Variants in PRDM16 observed in about 807,000 individuals in gnomAD.
PRDM16 encodes histone-lysine N-methyltransferase PRDM16.
PRDM16 carries 23 observed loss-of-function variants against 110.6 expected under a neutral mutation model. The observed-to-expected ratio is 0.21, with a 90% CI of 0.15 to 0.29. The LOEUF (loss-of-function observed/expected upper bound fraction) is 0.29. Among genes scored for constraint, PRDM16 ranks in the 10% least tolerant of loss-of-function variants. The pLI is 1.00. For synonymous variants in PRDM16, 799 were observed against 781.8 expected, an observed-to-expected ratio of 1.02 and a Z score of -0.37; for missense variants, 1,615 against 1,794.3, an observed-to-expected ratio of 0.90 and a Z score of 1.81.
intron 3 of PRDM16, among the ~76,000 whole-genome samples, chr1:3,296,976 C>A (rs1282770941): frequency 6.6e-6 from 1 of 152,158 alleles, no homozygotes; most frequent in Admixed American, 6.5e-5. Context: ...TAACACAAAG[C>A]CTATTTCAGG....
In PRDM16 at chr1:3,434,525, A is replaced by G; in HGVS notation, c.*714A>G. 1 of 231,566 alleles carries G rather than the reference A, an allele frequency of 4.3e-6. No individual in the cohort carries two copies. The highest frequency in any genetic ancestry group is 1.3e-3 in the Middle Eastern group (1 of 778). The allele number at this position is 231,566 out of a possible 1,614,324, so 14.3% of individuals were successfully genotyped here. ...GCTGGGTGCCCCGAGGCAGAACAAG[A>G]GGCGCGGGGCCACACCCGTGAACCA... On this transcript the variant is annotated 3_prime_UTR_variant, in exon 17 of 17. Coordinates refer to ENST00000270722, the MANE Select transcript of PRDM16 (RefSeq NM_022114.4).
In PRDM16 at chr1:3,370,418, G is replaced by T. The variant is rs1642885754; in HGVS notation, c.439-14734G>T. On this transcript the variant is annotated intron_variant, in intron 3 of 16. Coordinates refer to ENST00000270722, the MANE Select transcript of PRDM16 (RefSeq NM_022114.4). The surrounding 1 kb of genome is among the most constrained non-coding windows in gnomAD (Gnocchi z 4.8). ...GAGGCATAGGGAGTGCTGGCTGACAGTCTCAGTCATCTGGAGGCGCCTTCA... is the reference window on the plus strand; with the variant it reads ...GAGGCATAGGGAGTGCTGGCTGACATTCTCAGTCATCTGGAGGCGCCTTCA... Among the ~76,000 whole-genome samples the T allele has an allele frequency of 6.6e-6, 1 of 152,152 alleles. No individual in the cohort carries two copies. Among genetic ancestry groups the T allele is most frequent in the Non-Finnish European group, 1.5e-5 (1 of 68,034 alleles).
chr1:3,140,977 G>A (rs746366410), intron 1 of PRDM16, among the ~76,000 whole-genome samples: 6 of 152,182 alleles, frequency 3.9e-5, no homozygotes, highest in Non-Finnish European at 7.4e-5. Flanking sequence ...CCCCAGCATG[G>A]AAACCCAGAG....
At chr1:3,344,548 T>A (rs544258689) in intron 3 of PRDM16, among the ~76,000 whole-genome samples, 1 of 152,314 alleles carries the variant, frequency 6.6e-6, no homozygotes, top group East Asian at 1.9e-4. Context: ...TGGCTGTGGT[T>A]TTTTCTAGGC....
intron 2 of PRDM16, among the ~76,000 whole-genome samples, chr1:3,191,882 A>G (rs1340908511): frequency 6.6e-6 from 1 of 152,186 alleles, no homozygotes; most frequent in Non-Finnish European, 1.5e-5. Flanking sequence ...AGGCAGGCGT[A>G]AAAAGGTAGC....
At chr1:3,085,149 C>T (rs79389901) in intron 1 of PRDM16, among the ~76,000 whole-genome samples, 1,551 of 152,312 alleles carry the variant, frequency 0.01, 53 homozygotes, top group Admixed American at 0.058. Context: ...CGACCTAGAA[C>T]GTTCGTGCAG....
At chr1:3,295,116 C>G (rs983192781) in intron 3 of PRDM16, among the ~76,000 whole-genome samples, 11 of 152,202 alleles carry the variant, frequency 7.2e-5, no homozygotes, top group African/African-American at 2.7e-4. Flanking sequence ...CCAGGGCACC[C>G]AGGTTGTGGC....
chr1:3,128,929 C>T (rs1372999018), intron 1 of PRDM16, among the ~76,000 whole-genome samples: 1 of 152,218 alleles, frequency 6.6e-6, no homozygotes. Context: ...TGGCCGGCAG[C>T]CTTGGTTTCT....
intron 1 of PRDM16, among the ~76,000 whole-genome samples, chr1:3,120,687 G>A (rs913836131): frequency 8.5e-5 from 13 of 152,150 alleles, no homozygotes; most frequent in African/African-American, 2.9e-4. Context: ...GACACCTTTC[G>A]CAGTGAAAGG....
chr1:3,243,229 G>A lies in PRDM16; in HGVS notation c.388-858G>A, dbSNP rs980380451. Among the ~76,000 whole-genome samples, 4 of 152,210 alleles carry A rather than the reference G, an allele frequency of 2.6e-5. No homozygotes were observed. The highest frequency in any genetic ancestry group is 5.9e-5 in the Non-Finnish European group (4 of 68,042). ...TGGGGGTCCTCAGTGGCCACCCCGG[G>A]CACCTGCATGGCACTAGGCACAGCG... On this transcript the variant is annotated intron_variant, in intron 2 of 16. Transcript: ENST00000270722. This position sits in a 1 kb window ranked among gnomAD's most constrained non-coding sequence, Gnocchi z 5.5.
In PRDM16 at chr1:3,433,771, C is replaced by T. The variant is rs778185431; in HGVS notation, c.3791C>T (p.Thr1264Met). Residue 1264 changes from threonine to methionine, a missense_variant, in exon 17 of 17, where the codon ACG becomes ATG. Around this residue, in one of 5 missense-constraint regions of PRDM16, gnomAD observed 327 missense variants for 359.3 expected, o/e 0.91. Coordinates refer to ENST00000270722, the MANE Select transcript of PRDM16 (RefSeq NM_022114.4). ...LDAWLKVTGA[T>M]SESGAFHPIN... Reference sequence around the variant, plus strand: ...GCTTGGTTGAAGGTCACTGGAGCCACGTCGGAGTCTGGAGCATTTCACCCC... The same window carrying T: ...GCTTGGTTGAAGGTCACTGGAGCCATGTCGGAGTCTGGAGCATTTCACCCC... 1.2e-6 allele frequency: 2 copies of T among 1,613,866 alleles called. No individual in the cohort carries two copies. Among genetic ancestry groups the T allele is most frequent in the Non-Finnish European group, 1.7e-6 (2 of 1,179,926 alleles).
chr1:3,269,670 C>G (rs1640386860), intron 3 of PRDM16, among the ~76,000 whole-genome samples: 1 of 87,042 alleles, frequency 1.1e-5, no homozygotes, highest in South Asian at 3.0e-4. Flanking sequence ...GAGGACAGTC[C>G]CAGAGTAGGA....
rs762491643 is a variant in PRDM16 at position 3,412,081 on chromosome 1, C to T, written c.1884C>T (p.Asp628=). The T allele has an allele frequency of 2.4e-5, 38 of 1,594,686 alleles. No homozygotes were observed. The South Asian group carries it at 3.5e-4, about 15-fold the overall frequency. Reference sequence around the variant, plus strand: ...GGACGGGCTCGGACCTGGACAGCGACGTGGACAGCGACCCTGACAAGGACA... The same window carrying T: ...GGACGGGCTCGGACCTGGACAGCGATGTGGACAGCGACCCTGACAAGGACA... ...TTGTGSDLDS[D]VDSDPDKDKG... The change falls in exon 9 of 17, where the codon GAC becomes GAT. Residue 628 remains aspartate, a synonymous_variant. Coordinates refer to ENST00000270722, the MANE Select transcript of PRDM16 (RefSeq NM_022114.4).
intron 3 of PRDM16, among the ~76,000 whole-genome samples, chr1:3,323,534 G>C (rs926792456): frequency 1.3e-5 from 2 of 152,242 alleles, no homozygotes; most frequent in Admixed American, 1.3e-4. Flanking sequence ...GACAGCGGAG[G>C]GAGGAGGAAG....
intron 3 of PRDM16, among the ~76,000 whole-genome samples, chr1:3,347,605 C>T (rs1418110302): frequency 6.6e-6 from 1 of 152,226 alleles, no homozygotes; most frequent in Non-Finnish European, 1.5e-5. Flanking sequence ...AAGGTCAGTC[C>T]TCGGAGTAGC....
intron 1 of PRDM16, among the ~76,000 whole-genome samples, chr1:3,123,015 G>A (rs552264829): frequency 9.8e-5 from 15 of 152,316 alleles, no homozygotes; most frequent in African/African-American, 3.1e-4. Flanking sequence ...AGGTGGGTGG[G>A]AAGAAACCTC....
rs536362389 is a variant in PRDM16 at position 3,140,690 on chromosome 1, TG to T, written c.38-45429del. Among the ~76,000 whole-genome samples the T allele has an allele frequency of 8.5e-4, 129 of 152,328 alleles. 2 individuals carry two copies. The South Asian group carries it at 0.018, about 21-fold the overall frequency. On this transcript the variant is annotated intron_variant, in intron 1 of 16. Coordinates refer to ENST00000270722, the MANE Select transcript of PRDM16 (RefSeq NM_022114.4). ...CACCAGGCAGCTCCTAGAAGGCGTA[TG>T]GGGGGTGCATGGGCTGCCTGGCCTC...
chr1:3,396,268 T>C (rs191534052), intron 4 of PRDM16: 3 of 602,452 alleles, frequency 5.0e-6, no homozygotes, highest in Non-Finnish European at 9.3e-6. Flanking sequence ...GGCCACCCCC[T>C]TTATGAATAT....
At chr1:3,194,746 G>T (rs140642568) in intron 2 of PRDM16, among the ~76,000 whole-genome samples, 1 of 151,196 alleles carries the variant, frequency 6.6e-6, no homozygotes, top group African/African-American at 2.5e-5. Flanking sequence ...CCGTCTGATC[G>T]CCACACATTA....
Sources: allele counts gnomAD v4.1 joint callset (sites outside exome capture counted in the v4.1 genomes callset), GRCh38; gene constraint gnomAD v4.1.1; regional missense constraint gnomAD v4.1.1; non-coding constraint Gnocchi (gnomAD v3.1); transcripts MANE v1.5; gene names NCBI Gene and HGNC (gene_info 2026-07-23, HGNC 2026-07-21).